TP53BP2: variants seen among roughly 807,000 people sequenced by gnomAD.
TP53BP2 encodes apoptosis-stimulating of p53 protein 2.
A neutral mutation model predicts 126.2 loss-of-function variants in TP53BP2; 62 were observed. The ratio of observed to expected loss-of-function variants is 0.49; its 90% CI spans 0.40 to 0.61. The LOEUF is 0.61. TP53BP2 is among the 20% of genes least tolerant of loss of function. TP53BP2 has a pLI of 0.00. For missense variants in TP53BP2, 1,215 were observed against 1,402.8 expected (o/e 0.87, Z 2.14); for synonymous variants, 485 against 502.9 (o/e 0.96, Z 0.48).
At chr1:223,815,563 C>T (rs945857363) in intron 2 of TP53BP2, among the ~76,000 whole-genome samples, 7 of 152,172 alleles carry the variant, frequency 4.6e-5, no homozygotes, top group African/African-American at 1.2e-4. Flanking sequence ...TTGCTGTCCA[C>T]GCTGGACTGC....
At chr1:223,800,092 A>C in intron 10 of TP53BP2, 45 bp from the exon 11 acceptor site, 2 of 1,536,048 alleles carry the variant, frequency 1.3e-6, no homozygotes, top group Non-Finnish European at 1.8e-6. Flanking sequence ...GTTTAGAATA[A>C]AGTATCTCAT....
At chr1:223,826,584 GT>G (rs1383685230) in intron 1 of TP53BP2, among the ~76,000 whole-genome samples, 1 of 152,198 alleles carries the variant, frequency 6.6e-6, no homozygotes, top group African/African-American at 2.4e-5. Flanking sequence ...ACTTTTTGGG[GT>G]GATGAAAATA....
At position 223,845,782 on chromosome 1, in the gene TP53BP2, G is replaced by T. The variant is rs1664255654; in HGVS notation, c.-102C>A. 2.5e-6 allele frequency: 3 copies of T among 1,185,226 alleles called. No individual in the cohort carries two copies. Among genetic ancestry groups the T allele is most frequent in the African/African-American group, 3.2e-5 (2 of 62,324 alleles). The allele number at this position is 1,185,226 out of a possible 1,614,324, so 73.4% of individuals were successfully genotyped here. A position where few individuals can be genotyped will look rare whatever the true frequency, so the allele number is the denominator to read the frequency against. ...GAGAGCGAGGCCGCCCGGACCTGTT[G>T]CGAGGCGGCGGCGGCGGCAGCGGCG... On this transcript the variant is annotated 5_prime_UTR_variant, in exon 1 of 18. Transcript: ENST00000343537.
chr1:223,845,193 G>A (rs1664223762), intron 1 of TP53BP2: 1 of 969,864 alleles, frequency 1.0e-6, no homozygotes, highest in Non-Finnish European at 1.2e-6. Context: ...CTGCTACTGT[G>A]GATATCAAGA....
At chr1:223,828,787 G>A (rs1571871765) in intron 1 of TP53BP2, among the ~76,000 whole-genome samples, 1 of 152,222 alleles carries the variant, frequency 6.6e-6, no homozygotes, top group South Asian at 2.1e-4. Context: ...ATATGCAAAT[G>A]CATACAGACA....
At chr1:223,843,563 A>C (rs1279400961) in intron 1 of TP53BP2, among the ~76,000 whole-genome samples, 5 of 152,236 alleles carry the variant, frequency 3.3e-5, no homozygotes, top group Admixed American at 2.6e-4. Flanking sequence ...CTAATGCCAC[A>C]GAACTGTACA....
intron 7 of TP53BP2, 166 bp from the exon 8 acceptor site, chr1:223,803,061 C>T: frequency 1.1e-6 from 1 of 885,648 alleles, no homozygotes; most frequent in African/African-American, 1.7e-5. Flanking sequence ...CTGTGCAAGA[C>T]CACCAGCTGT....
intron 3 of TP53BP2, among the ~76,000 whole-genome samples, chr1:223,813,174 C>G (rs1662971682): frequency 6.6e-6 from 1 of 152,102 alleles, no homozygotes; most frequent in South Asian, 2.1e-4. Flanking sequence ...TGGTCACTAA[C>G]GATGTGACCA....
chr1:223,786,544 T>C (rs149029072), intron 16 of TP53BP2, among the ~76,000 whole-genome samples: 6 of 152,000 alleles, frequency 3.9e-5, no homozygotes, highest in Middle Eastern at 3.4e-3. Flanking sequence ...AAAACACATA[T>C]TAACACATTA....
At position 223,800,798 on chromosome 1, in the gene TP53BP2, T is replaced by A; in HGVS notation, c.1238A>T (p.His413Leu). The change falls in exon 10 of 18, where the codon CAT (histidine) becomes CTT (leucine). Residue 413 changes from histidine to leucine, a missense_variant. His to Leu is a moderately conservative substitution (Grantham distance 99). This residue lies in a region of TP53BP2 where 814 missense variants were observed against 853.0 expected (regional missense o/e 0.95). Transcript: ENST00000343537. Reference protein sequence around the residue: ...AASQTKGSKIHPVGPDWSPSN... With the variant: ...AASQTKGSKILPVGPDWSPSN... The stretch of plus-strand genomic sequence containing the variant: ...AGGACTCCAATCAGGGCCAACTGGA[T>A]GGATTTTAGAGCCTAAAATACAGAA... 1 of 1,604,360 alleles carries A rather than the reference T, an allele frequency of 6.2e-7. No homozygotes were observed. The highest frequency in any genetic ancestry group is 8.5e-7 in the Non-Finnish European group (1 of 1,177,412).
rs748721192 is a variant in TP53BP2, at chr1:223,802,139, G to C, written c.1202C>G (p.Ser401Cys). 3 of 1,614,154 alleles carry C rather than the reference G, an allele frequency of 1.9e-6. No homozygotes were observed. Among genetic ancestry groups the C allele is most frequent in the East Asian group, 2.2e-5 (1 of 44,886 alleles). Reference protein sequence around the residue: ...MKIQTLPNMRSGAASQTKGSK... With the variant: ...MKIQTLPNMRCGAASQTKGSK... ...ACCTTTAGTTTGTGAAGCAGCCCCA[G>C]ATCTCATGTTGGGCAGTGTCTGTAT... Residue 401 changes from serine to cysteine, a missense_variant, in exon 9 of 18, where the codon TCT (serine) becomes TGT (cysteine). This residue lies in a region of TP53BP2 where 814 missense variants were observed against 853.0 expected (regional missense o/e 0.95). Transcript: ENST00000343537.
chr1:223,840,141 C>T (rs559056734), intron 1 of TP53BP2, among the ~76,000 whole-genome samples: 1 of 152,252 alleles, frequency 6.6e-6, no homozygotes, highest in East Asian at 1.9e-4. Flanking sequence ...TAATAAGACA[C>T]ATTTATTTTA....
At chr1:223,820,789 T>C (rs1372763516) in intron 2 of TP53BP2, among the ~76,000 whole-genome samples, 1 of 152,170 alleles carries the variant, frequency 6.6e-6, no homozygotes, top group Non-Finnish European at 1.5e-5. Flanking sequence ...GAAGGATTGA[T>C]TTCAAGGCTT....
chr1:223,837,901 T>C (rs1663976531), intron 1 of TP53BP2, among the ~76,000 whole-genome samples: 2 of 152,074 alleles, frequency 1.3e-5, no homozygotes, highest in African/African-American at 4.8e-5. Flanking sequence ...CACTCTGCCC[T>C]CTGCCCACGA....
intron 14 of TP53BP2, among the ~76,000 whole-genome samples, chr1:223,793,011 AC>A (rs1401112172): frequency 6.6e-6 from 1 of 152,134 alleles, no homozygotes; most frequent in Non-Finnish European, 1.5e-5. Flanking sequence ...AAAGAAAAGT[AC>A]TCTAGAGGAC....
intron 1 of TP53BP2, among the ~76,000 whole-genome samples, chr1:223,821,914 C>CA (rs201484928): frequency 6.8e-4 from 102 of 149,394 alleles, no homozygotes; most frequent in East Asian, 3.7e-3. Context: ...TTTTTGGAGA[C>CA]AGAGTCTCAC....
At chr1:223,808,842 G>A (rs1031223305) in intron 4 of TP53BP2, among the ~76,000 whole-genome samples, 2 of 151,344 alleles carry the variant, frequency 1.3e-5, no homozygotes, top group Non-Finnish European at 2.9e-5. Flanking sequence ...GAGACACAGA[G>A]AGCAAATAAG....
chr1:223,780,280 T>C lies in TP53BP2; in HGVS notation c.*573A>G, dbSNP rs1276539110. 1 of 152,228 alleles carries C rather than the reference T, an allele frequency of 6.6e-6. No individual in the cohort carries two copies. The highest frequency in any genetic ancestry group is 2.4e-5 in the African/African-American group (1 of 41,470). 9.4% of individuals were successfully genotyped at this position (152,228 alleles called of 1,614,324 possible). On this transcript the variant is annotated 3_prime_UTR_variant, in exon 18 of 18. Transcript: ENST00000343537. ...GCTTAGTTTCAATATTTCAAACATA[T>C]GTATAATTCTTAAGATGCTACAAAA...
In TP53BP2 at chr1:223,803,329, C is replaced by G; in HGVS notation, c.773G>C (p.Ser258Thr). Residue 258 changes from serine (S) to threonine (T), a missense_variant, in exon 7 of 18, where the codon AGC becomes ACC. Around this residue, in one of 4 missense-constraint regions of TP53BP2, gnomAD observed 814 missense variants for 853.0 expected, o/e 0.95. Coordinates refer to ENST00000343537, the MANE Select transcript of TP53BP2 (RefSeq NM_001031685.3). ...CACTGCAGACTGATTGTCATGGTGG[C>G]TGTCGATCCTGCCGTTCTTGAGCAT... ...LEMLKNGRID[S>T]HHDNQSAVAE... 1.2e-6 allele frequency: 2 copies of G among 1,613,648 alleles called. No individual in the cohort carries two copies. Among genetic ancestry groups the G allele is most frequent in the South Asian group, 1.1e-5 (1 of 91,052 alleles).
Sources: allele counts gnomAD v4.1 joint callset (sites outside exome capture counted in the v4.1 genomes callset), GRCh38; gene constraint gnomAD v4.1.1; regional missense constraint gnomAD v4.1.1; transcripts MANE v1.5; gene names NCBI Gene and HGNC (gene_info 2026-07-23, HGNC 2026-07-21).